ZBTB16: variants seen among roughly 807,000 people sequenced by gnomAD.
The protein encoded by ZBTB16 is zinc finger and BTB domain containing 16.
Under a neutral mutation model 56.8 loss-of-function variants are expected in ZBTB16, and 8 were observed. The ratio of observed to expected loss-of-function variants is 0.14; its 90% CI spans 0.08 to 0.25. The LOEUF is 0.25. ZBTB16 is among the 10% of genes least tolerant of loss of function. The pLI is 1.00. For missense variants in ZBTB16, 625 were observed against 903.0 expected, an observed-to-expected ratio of 0.69 and a Z score of 3.95; for synonymous variants, 363 against 368.5, an observed-to-expected ratio of 0.98 and a Z score of 0.17.
At chr11:114,173,936 A>G (rs1943038465) in intron 3 of ZBTB16, among the ~76,000 whole-genome samples, 1 of 152,210 alleles carries the variant, frequency 6.6e-6, no homozygotes, top group South Asian at 2.1e-4. Context: ...AATGCCTAAG[A>G]AGGGAGTTAA....
intron 4 of ZBTB16, among the ~76,000 whole-genome samples, chr11:114,241,449 C>G (rs1015086046): frequency 6.6e-6 from 1 of 152,216 alleles, no homozygotes; most frequent in African/African-American, 2.4e-5. Flanking sequence ...ACATTAGATT[C>G]TCACAGGAGC....
At chr11:114,183,857 C>G (rs1354873972) in intron 3 of ZBTB16, among the ~76,000 whole-genome samples, 1 of 152,184 alleles carries the variant, frequency 6.6e-6, no homozygotes, top group African/African-American at 2.4e-5. Flanking sequence ...TGGCTGCTAC[C>G]CCTGTGAACA....
At chr11:114,105,895 G>C (rs1940772265) in intron 2 of ZBTB16, among the ~76,000 whole-genome samples, 1 of 152,210 alleles carries the variant, frequency 6.6e-6, no homozygotes. Context: ...ATCACCAGGG[G>C]AAAGTGGTTT....
chr11:114,124,568 A>C lies in ZBTB16; in HGVS notation c.1269-31769A>C, dbSNP rs202163627. Among the ~76,000 whole-genome samples, 25 of 146,112 alleles carry C rather than the reference A, an allele frequency of 1.7e-4. No individual in the cohort carries two copies. In the East Asian group the frequency reaches 2.6e-3, roughly 15 times the overall value. On this transcript the variant is annotated intron_variant, in intron 2 of 6. Transcript: ENST00000335953. ...ACAAAAAAAAAAACCAAAAAAAAAA[A>C]AAAACAAAAACAAAACAAAAAAAAC...
chr11:114,125,560 CT>C (rs757439548), intron 2 of ZBTB16, among the ~76,000 whole-genome samples: 230 of 145,490 alleles, frequency 1.6e-3, no homozygotes, highest in Middle Eastern at 3.5e-3. Flanking sequence ...CCTTGTAGGA[CT>C]TTTTTTTTTT....
At chr11:114,158,330 A>G (rs1450930620) in intron 3 of ZBTB16, among the ~76,000 whole-genome samples, 1 of 152,094 alleles carries the variant, frequency 6.6e-6, no homozygotes, top group African/African-American at 2.4e-5. Context: ...CCAGTGCTGT[A>G]GCCAGACTCA....
chr11:114,067,117 T>A (rs1939149140), intron 2 of ZBTB16, among the ~76,000 whole-genome samples: 1 of 152,138 alleles, frequency 6.6e-6, no homozygotes, highest in Admixed American at 6.5e-5. Flanking sequence ...TGGTGCTGAA[T>A]TAATGAAGTA....
chr11:114,094,381 C>T (rs1392814191), intron 2 of ZBTB16, among the ~76,000 whole-genome samples: 3 of 152,016 alleles, frequency 2.0e-5, no homozygotes, highest in East Asian at 1.9e-4. Flanking sequence ...CAAACGAGTC[C>T]GTGTAAAGTC....
intron 4 of ZBTB16, chr11:114,188,338 A>G (rs1943411329): frequency 6.6e-6 from 1 of 152,276 alleles, no homozygotes; most frequent in Non-Finnish European, 1.5e-5. Flanking sequence ...TAGTGGGGAC[A>G]GGCGTGGTAG....
At chr11:114,182,215 A>G (rs1943265910) in intron 3 of ZBTB16, among the ~76,000 whole-genome samples, 1 of 151,980 alleles carries the variant, frequency 6.6e-6, no homozygotes. Context: ...ATGCCTGGCC[A>G]ATTTTTGTAT....
At chr11:114,217,530 A>G (rs1944132503) in intron 4 of ZBTB16, among the ~76,000 whole-genome samples, 1 of 152,198 alleles carries the variant, frequency 6.6e-6, no homozygotes. Context: ...ATGGAGATCC[A>G]GGCCAAGCAG....
At chr11:114,095,174 C>A (rs185077254) in intron 2 of ZBTB16, among the ~76,000 whole-genome samples, 1 of 150,718 alleles carries the variant, frequency 6.6e-6, no homozygotes, top group Non-Finnish European at 1.5e-5. Context: ...TCAGTCAATG[C>A]GCTCTTTAGG....
intron 2 of ZBTB16, among the ~76,000 whole-genome samples, chr11:114,137,518 G>T (rs918277091): frequency 3.3e-5 from 5 of 152,188 alleles, no homozygotes; most frequent in African/African-American, 1.2e-4. Flanking sequence ...ATGTTCCAGT[G>T]GCAATTAAGT....
intron 2 of ZBTB16, among the ~76,000 whole-genome samples, chr11:114,088,455 G>C (rs1419763147): frequency 1.3e-5 from 2 of 152,008 alleles, no homozygotes; most frequent in Non-Finnish European, 2.9e-5. Context: ...ATCTTTTATT[G>C]TTTGTATTTC....
chr11:114,179,278 G>GC (rs1363717410), intron 3 of ZBTB16, among the ~76,000 whole-genome samples: 3 of 96,900 alleles, frequency 3.1e-5, no homozygotes, highest in African/African-American at 1.8e-4. Flanking sequence ...AAGAGAGAGA[G>GC]CTAGAGAGAG....
chr11:114,091,333 T>G (rs1044121517), intron 2 of ZBTB16, among the ~76,000 whole-genome samples: 1 of 151,994 alleles, frequency 6.6e-6, no homozygotes, highest in Non-Finnish European at 1.5e-5. Context: ...GGTGACAGAG[T>G]GGGACCCTGT....
intron 4 of ZBTB16, among the ~76,000 whole-genome samples, chr11:114,194,033 C>G (rs910175564): frequency 6.6e-6 from 1 of 152,148 alleles, no homozygotes; most frequent in African/African-American, 2.4e-5. Flanking sequence ...TGATTGGTTC[C>G]GGGTGATCCT....
intron 4 of ZBTB16, among the ~76,000 whole-genome samples, chr11:114,221,654 G>A (rs980009817): frequency 6.6e-6 from 1 of 152,196 alleles, no homozygotes; most frequent in African/African-American, 2.4e-5. Flanking sequence ...GGCTGAGTTG[G>A]GTGACTTGGG....
At chr11:114,191,172 G>T (rs1279687822) in intron 4 of ZBTB16, among the ~76,000 whole-genome samples, 1 of 152,088 alleles carries the variant, frequency 6.6e-6, no homozygotes, top group Non-Finnish European at 1.5e-5. Context: ...CTCCCACCAG[G>T]CCTCACCTCC....
Sources: gnomAD v4.1 joint callset for allele counts (sites outside exome capture counted in the v4.1 genomes callset) on GRCh38, gnomAD v4.1.1 for gene constraint, MANE v1.5 for transcripts, NCBI Gene and HGNC (gene_info 2026-07-23, HGNC 2026-07-21) for gene names.